The following MTX1 variants were observed in gnomAD, a reference collection of about 807,000 sequenced individuals.
The protein encoded by MTX1 is metaxin-1.
MTX1 carries 20 observed loss-of-function variants against 39.4 expected under a neutral mutation model. The observed-to-expected ratio is 0.51, with a 90% confidence interval of 0.36 to 0.74. The LOEUF is 0.74. MTX1 is among the 30% of genes least tolerant of loss of function. The pLI, the probability that MTX1 is intolerant of heterozygous loss-of-function variation, is 0.00. For synonymous variants in MTX1, 209 were observed against 198.6 expected (o/e 1.05, Z -0.44); for missense variants, 481 against 485.9 (o/e 0.99, Z 0.10).
At chr1:155,210,728 G>C (rs2148054484) in intron 3 of MTX1, 101 bp downstream of exon 3, 1 of 1,107,762 alleles carries the variant, frequency 9.0e-7, no homozygotes, top group Non-Finnish European at 1.4e-6. Flanking sequence ...GCTAGATGCA[G>C]GTGACCCAGA....
chr1:155,210,724 T>C (rs1671104877), intron 3 of MTX1, 97 bp downstream of exon 3: 1 of 1,139,036 alleles, frequency 8.8e-7, no homozygotes, highest in Non-Finnish European at 1.3e-6. Context: ...CCATGCTAGA[T>C]GCAGGTGACC....
rs751077628 is a variant in MTX1, at chr1:155,210,418, ACCCAGTATCCCTTG to A, written c.598+4_598+17del. 1.1e-4 allele frequency: 181 copies of A among 1,613,952 alleles called. 4 individuals carry two copies. The South Asian group carries it at 1.8e-3, about 16-fold the overall frequency. On this transcript the variant is annotated splice_donor_5th_base_variant and intron_variant, in intron 2 of 7. Transcript: ENST00000368376. ...CAACCCCTGGCAGAGCCCTTCAGGT[ACCCAGTATCCCTTG>A]GGGGTAAGGAAGGGTGTGTACAAGG...
At chr1:155,209,395 C>G in intron 1 of MTX1, 63 bp downstream of exon 1, 1 of 1,349,326 alleles carries the variant, frequency 7.4e-7, no homozygotes, top group South Asian at 2.0e-5. Flanking sequence ...CCGAACTAGC[C>G]AAGCATCCAA....
In MTX1 at chr1:155,210,435, G is replaced by A. The variant is rs777314896; in HGVS notation, c.598+20G>A. On this transcript the variant is annotated intron_variant, in intron 2 of 7. Coordinates refer to ENST00000368376, the MANE Select transcript of MTX1 (RefSeq NM_002455.5). ...CTTCAGGTACCCAGTATCCCTTGGG[G>A]GTAAGGAAGGGTGTGTACAAGGGGA... is the stretch of plus-strand genomic sequence containing the variant. 1.2e-6 allele frequency: 2 copies of A among 1,612,506 alleles called. No homozygotes were observed. The highest frequency in any genetic ancestry group is 4.5e-5 in the East Asian group (2 of 44,874).
rs1671185397 is a variant in MTX1, at chr1:155,213,089, C to T, written c.1032-148C>T. Reference sequence around the variant, plus strand: ...GCCACCTGGGGATCTCTCCCCATACCAGGTCTAGAACTGTGTGTCCTGTCC... The same window carrying T: ...GCCACCTGGGGATCTCTCCCCATACTAGGTCTAGAACTGTGTGTCCTGTCC... On this transcript the variant is annotated intron_variant, in intron 6 of 7. Coordinates refer to ENST00000368376, the MANE Select transcript of MTX1 (RefSeq NM_002455.5). The T allele has an allele frequency of 5.1e-6, 3 of 589,022 alleles. No homozygotes were observed. The East Asian group carries it at 8.4e-5, about 17-fold the overall frequency. The allele number at this position is 589,022 out of a possible 1,614,324, so 36.5% of individuals were successfully genotyped here.
chr1:155,211,929 C>T (rs1241229576), intron 3 of MTX1, 198 bp from the exon 4 acceptor site: 1 of 475,390 alleles, frequency 2.1e-6, no homozygotes, highest in Non-Finnish European at 3.7e-6. Context: ...CCAGGAGGCT[C>T]CAAGGCCCAG....
At chr1:155,210,237 T>G in intron 1 of MTX1, 109 bp from the exon 2 acceptor site, 1 of 945,972 alleles carries the variant, frequency 1.1e-6, no homozygotes, top group Non-Finnish European at 1.7e-6. Flanking sequence ...ACTAAGATAC[T>G]AAGTATAGGG....
Position 155,210,536 on chromosome 1 carries a change from T to A in MTX1, c.599-12T>A. On this transcript the variant is annotated splice_polypyrimidine_tract_variant and intron_variant, in intron 2 of 7. Transcript: ENST00000368376. The stretch of plus-strand genomic sequence containing the variant: ...TAAGGGTCTGGTTGGTATACTTCCC[T>A]CTCAATATCAGGAACTCTGCCTGCC... 1 of 1,613,946 alleles carries A rather than the reference T, an allele frequency of 6.2e-7. No individual in the cohort carries two copies. The highest frequency in any genetic ancestry group is 8.5e-7 in the Non-Finnish European group (1 of 1,179,808).
At position 155,209,148 on chromosome 1, in the gene MTX1, G is replaced by GC; in HGVS notation, c.349dup (p.Leu117ProfsTer115). On this transcript the variant is annotated frameshift_variant, in exon 1 of 8. Transcript: ENST00000368376. LOFTEE classifies it high-confidence loss of function. ...CTCGCCTCCCCGGGGATCTCCCCAGGCCCCCTGACCGCAACGATCGGAGGG... is the reference window on the plus strand; with the variant it reads ...CTCGCCTCCCCGGGGATCTCCCCAGGCCCCCCTGACCGCAACGATCGGAGGG... 1 of 1,525,402 alleles carries GC rather than the reference G, an allele frequency of 6.6e-7. No homozygotes were observed. Among genetic ancestry groups the GC allele is most frequent in the Non-Finnish European group, 8.8e-7 (1 of 1,133,076 alleles). The allele number at this position is 1,525,402 out of a possible 1,614,324, so 94.5% of individuals were successfully genotyped here.
In MTX1 at chr1:155,212,169, G is replaced by C; in HGVS notation, c.721G>C (p.Asp241His). The C allele has an allele frequency of 1.2e-6, 2 of 1,612,604 alleles. No individual in the cohort carries two copies. Reference sequence around the variant, plus strand: ...TGATCTGTCAGCTCGGCAAGGGGCAGACACCCTGGCCTTCATGTCTCTCCT... The same window carrying C: ...TGATCTGTCAGCTCGGCAAGGGGCACACACCCTGGCCTTCATGTCTCTCCT... The part of the protein sequence containing the change: ...DYDLSARQGA[D>H]TLAFMSLLEE... The change falls in exon 4 of 8, where the codon GAC becomes CAC. Residue 241 changes from aspartate to histidine, a missense_variant. This residue lies in a region of MTX1 where 113 missense variants were observed against 153.2 expected (regional missense o/e 0.74). Transcript: ENST00000368376.
At position 155,208,940 on chromosome 1, in the gene MTX1, C is replaced by T. The variant is rs1356870291; in HGVS notation, c.136C>T (p.Pro46Ser). Residue 46 changes from proline (P) to serine (S), a missense_variant, in exon 1 of 8, where the codon CCT becomes TCT. Physicochemically the swap from Pro to Ser is moderately conservative, Grantham distance 74. Coordinates refer to ENST00000368376, the MANE Select transcript of MTX1 (RefSeq NM_002455.5). ...GCGCACAAGACCCCGCTCTCCAGAG[C>T]CTGCCGCGCCTTCAGGGGTTCGGGG... ...PRRTRPRSPE[P>S]AAPSGVRGST... is the part of the protein sequence containing the mutation. 1 of 1,610,122 alleles carries T rather than the reference C, an allele frequency of 6.2e-7. No individual in the cohort carries two copies. The highest frequency in any genetic ancestry group is 8.5e-7 in the Non-Finnish European group (1 of 1,179,238).
intron 4 of MTX1, 72 bp downstream of exon 4, chr1:155,212,291 A>G: frequency 2.5e-6 from 4 of 1,594,726 alleles, no homozygotes; most frequent in South Asian, 1.1e-5. Context: ...ACCCACACAC[A>G]GGCTCAGGAA....
At position 155,213,531 on chromosome 1, in the gene MTX1, G is replaced by A. The variant is rs1327806139; in HGVS notation, c.1234G>A (p.Glu412Lys). The change falls in exon 8 of 8, where the codon GAG becomes AAG. Residue 412 changes from glutamate (E) to lysine (K), a missense_variant. This residue lies in a region of MTX1 where 113 missense variants were observed against 153.2 expected (regional missense o/e 0.74). Transcript: ENST00000368376. ...RQTPAGPETE[E>K]EPYRRRNQIL... ...GACACCAGCAGGCCCAGAGACTGAG[G>A]AGGAGCCATACCGGCGCCGGAACCA... The A allele has an allele frequency of 1.3e-5, 2 of 149,968 alleles. No individual in the cohort carries two copies. The highest frequency in any genetic ancestry group is 1.5e-4 in the East Asian group (1 of 6,458). The allele number at this position is 149,968 out of a possible 1,614,324, so 9.3% of individuals were successfully genotyped here.
At chr1:155,209,612 C>T (rs1671015936) in intron 1 of MTX1, among the ~76,000 whole-genome samples, 1 of 152,218 alleles carries the variant, frequency 6.6e-6, no homozygotes, top group Admixed American at 6.5e-5. Context: ...GAGATCCTTT[C>T]TCTTTGGGCA....
Position 155,212,381 on chromosome 1 carries a change from C to G in MTX1, c.772-4C>G. ...ACCTGTTTCTTCCTGCCCACCCAATCCAGGTACATACTTTTTGGATAGACA... is the reference window on the plus strand; with the variant it reads ...ACCTGTTTCTTCCTGCCCACCCAATGCAGGTACATACTTTTTGGATAGACA... On this transcript the variant is annotated splice_region_variant and splice_polypyrimidine_tract_variant and intron_variant, in intron 4 of 7. Transcript: ENST00000368376. The G allele has an allele frequency of 1.2e-6, 2 of 1,614,072 alleles. No homozygotes were observed. The highest frequency in any genetic ancestry group is 1.7e-6 in the Non-Finnish European group (2 of 1,179,922).
At chr1:155,212,977 G>A (rs1177460729) in intron 6 of MTX1, among the ~76,000 whole-genome samples, 1 of 151,988 alleles carries the variant, frequency 6.6e-6, no homozygotes, top group Non-Finnish European at 1.5e-5. Flanking sequence ...GGGCAGCCAG[G>A]CACAGGAGGG....
chr1:155,209,079 GC>G lies in MTX1; in HGVS notation c.278del (p.Pro93GlnfsTer25), dbSNP rs1670944492. On this transcript the variant is annotated frameshift_variant, in exon 1 of 8. Coordinates refer to ENST00000368376, the MANE Select transcript of MTX1 (RefSeq NM_002455.5). LOFTEE classifies it high-confidence loss of function. The part of the protein sequence containing the change: ...GRRPPSPEAR[G>X]PVPRSSAASR... The stretch of plus-strand genomic sequence containing the variant: ...CGGCCGCCCTCCCCCGAGGCCCGCG[GC>G]CCAGTCCCCCGCAGTTCAGCTGCCA... 2 of 1,540,624 alleles carry G rather than the reference GC, an allele frequency of 1.3e-6. No homozygotes were observed. The highest frequency in any genetic ancestry group is 4.9e-5 in the East Asian group (2 of 40,742).
chr1:155,209,737 A>G (rs1050689545), intron 1 of MTX1, among the ~76,000 whole-genome samples: 13 of 152,010 alleles, frequency 8.6e-5, no homozygotes, highest in African/African-American at 2.9e-4. Context: ...ACTTAACAGC[A>G]TTTACTGAGG....
Position 155,212,424 on chromosome 1 carries a change from G to T in MTX1, c.811G>T (p.Val271Leu), listed in dbSNP as rs369259801. Residue 271 changes from valine to leucine, a missense_variant, in exon 5 of 8, where the codon GTG becomes TTG. Physicochemically the swap from Val to Leu is conservative, Grantham distance 32. This residue lies in a region of MTX1 where 113 missense variants were observed against 153.2 expected (regional missense o/e 0.74). Transcript: ENST00000368376. ...FWIDTKNYVE[V>L]TRKWYAEAMP... The stretch of plus-strand genomic sequence containing the variant: ...GATAGACACCAAGAACTACGTGGAA[G>T]TGACCCGGAAGTGGTATGCAGAGGC... 5.6e-6 allele frequency: 9 copies of T among 1,614,120 alleles called. No individual in the cohort carries two copies. Among genetic ancestry groups the T allele is most frequent in the Non-Finnish European group, 7.6e-6 (9 of 1,180,056 alleles).
Sources: allele counts gnomAD v4.1 joint callset (sites outside exome capture counted in the v4.1 genomes callset), GRCh38; gene constraint gnomAD v4.1.1; regional missense constraint gnomAD v4.1.1; transcripts MANE v1.5; gene names NCBI Gene and HGNC (gene_info 2026-07-23, HGNC 2026-07-21).